The following ROBO1 variants were observed in gnomAD, a reference collection of about 807,000 sequenced individuals.
The protein encoded by ROBO1 is roundabout guidance receptor 1.
Under a neutral mutation model 195.9 loss-of-function variants are expected in ROBO1, and 149 were observed. That is an observed-to-expected ratio of 0.76 (90% CI 0.67 to 0.87). The LOEUF (loss-of-function observed/expected upper bound fraction) is 0.87. Ranked by LOEUF, ROBO1 falls within the 40% of genes least tolerant of loss-of-function variation. The probability of loss-of-function intolerance (pLI) is 0.00; values close to 1 mark genes in which losing one functional copy is unlikely to be tolerated. For synonymous variants in ROBO1, 816 were observed against 733.2 expected (o/e 1.11, Z -1.82); for missense variants, 1,933 against 2,068.3 (o/e 0.93, Z 1.27).
At chr3:78,811,688 A>G (rs762902891) in intron 4 of ROBO1, among the ~76,000 whole-genome samples, 1 of 152,074 alleles carries the variant, frequency 6.6e-6, no homozygotes, top group Non-Finnish European at 1.5e-5. Context: ...AGTTCCCTAA[A>G]CTAGTCGCTA....
intron 2 of ROBO1, among the ~76,000 whole-genome samples, chr3:79,547,365 T>C (rs1302957518): frequency 6.6e-6 from 1 of 152,018 alleles, no homozygotes; most frequent in African/African-American, 2.4e-5. Context: ...GCAGATTTTA[T>C]ATGAACGTGA....
chr3:79,148,281 GAGA>G (rs1432223529), intron 2 of ROBO1, among the ~76,000 whole-genome samples: 1 of 151,872 alleles, frequency 6.6e-6, no homozygotes, highest in African/African-American at 2.4e-5. Context: ...CAGTAAGAAT[GAGA>G]AGAAAGACTG....
At chr3:79,648,466 G>A (rs187135929) in intron 1 of ROBO1, among the ~76,000 whole-genome samples, 3 of 152,146 alleles carry the variant, frequency 2.0e-5, no homozygotes, top group Non-Finnish European at 2.9e-5. Context: ...CACCATGAGC[G>A]TGAGTTTGTA....
chr3:79,716,568 A>C (rs1702495244), intron 1 of ROBO1, among the ~76,000 whole-genome samples: 1 of 152,022 alleles, frequency 6.6e-6, no homozygotes, highest in Admixed American at 6.6e-5. Flanking sequence ...TAATGGGAGC[A>C]GGTTGCATAT....
intron 2 of ROBO1, among the ~76,000 whole-genome samples, chr3:79,177,180 G>T (rs1013898752): frequency 6.6e-6 from 1 of 152,184 alleles, no homozygotes; most frequent in Non-Finnish European, 1.5e-5. Flanking sequence ...GCACTGAACT[G>T]AAAGGGAAAC....
intron 2 of ROBO1, among the ~76,000 whole-genome samples, chr3:79,342,233 G>A (rs2034935488): frequency 6.6e-6 from 1 of 152,176 alleles, no homozygotes; most frequent in African/African-American, 2.4e-5. Context: ...TCTTGAGCAG[G>A]AAAGTGACAT....
chr3:78,923,390 A>C lies in ROBO1; in HGVS notation c.499+15211T>G, dbSNP rs147745546. ...TTGTTTCATTTATTTTTTGCAAGTCATTTTCTAAAGTGGAAAGGGACTGAT... is the reference window on the plus strand; with the variant it reads ...TTGTTTCATTTATTTTTTGCAAGTCCTTTTCTAAAGTGGAAAGGGACTGAT... On this transcript the variant is annotated intron_variant, in intron 4 of 30. Transcript: ENST00000464233. Among the ~76,000 whole-genome samples, 605 of 152,162 alleles carry C rather than the reference A, an allele frequency of 4.0e-3. 14 individuals are homozygous for C. The highest frequency in any genetic ancestry group is 0.013 in the African/African-American group (520 of 41,526).
At chr3:79,628,425 T>G (rs533290970) in intron 1 of ROBO1, among the ~76,000 whole-genome samples, 1 of 151,852 alleles carries the variant, frequency 6.6e-6, no homozygotes, top group Non-Finnish European at 1.5e-5. Context: ...TAAGTGGAAG[T>G]TGAACAATGA....
chr3:79,073,079 G>A (rs563118617), intron 3 of ROBO1, among the ~76,000 whole-genome samples: 49 of 151,996 alleles, frequency 3.2e-4, no homozygotes, highest in African/African-American at 1.0e-3. Flanking sequence ...TAGAGTTGTC[G>A]CCTAAATAAA....
At chr3:79,508,660 A>G (rs773248729) in intron 2 of ROBO1, among the ~76,000 whole-genome samples, 1 of 152,234 alleles carries the variant, frequency 6.6e-6, no homozygotes, top group Non-Finnish European at 1.5e-5. Flanking sequence ...AATTTGTGTT[A>G]GTATTGTAAA....
chr3:79,417,986 C>T (rs80030496), intron 2 of ROBO1, among the ~76,000 whole-genome samples: 4,686 of 152,158 alleles, frequency 0.031, 261 homozygotes, highest in African/African-American at 0.11. Flanking sequence ...ACAAAATGGC[C>T]TCTTCATAAG....
In ROBO1 at chr3:79,420,168, T is replaced by C. The variant is rs555567298; in HGVS notation, c.88+169656A>G. 7.2e-5 allele frequency among the ~76,000 whole-genome samples: 11 copies of C among 152,302 alleles called. No homozygotes were observed. The South Asian group carries it at 1.9e-3, about 26-fold the overall frequency. ...AGGTGTTTCAGAATTCATGAGATTC[T>C]GCATTTTTAGAACAGTAAAAGTCAA... On this transcript the variant is annotated intron_variant, in intron 2 of 30. Transcript: ENST00000464233.
intron 3 of ROBO1, among the ~76,000 whole-genome samples, chr3:79,095,746 T>C (rs181792030): frequency 5.0e-4 from 76 of 152,202 alleles, no homozygotes; most frequent in African/African-American, 1.6e-3. Context: ...TCTTACTTTT[T>C]TTTCTGTCTT....
chr3:79,019,873 C>T (rs2078062514), intron 3 of ROBO1, among the ~76,000 whole-genome samples: 1 of 151,796 alleles, frequency 6.6e-6, no homozygotes, highest in Admixed American at 6.6e-5. Flanking sequence ...AAAAAAAAAT[C>T]AATTTTGAGC....
At chr3:79,604,014 C>G (rs1405206911) in intron 1 of ROBO1, among the ~76,000 whole-genome samples, 1 of 152,050 alleles carries the variant, frequency 6.6e-6, no homozygotes. Flanking sequence ...AACAGGTACT[C>G]TCACGCAGGA....
In ROBO1 at chr3:79,416,603, T is replaced by TAA. The variant is rs76259270; in HGVS notation, c.88+173219_88+173220dup. On this transcript the variant is annotated intron_variant, in intron 2 of 30. Transcript: ENST00000464233. The stretch of plus-strand genomic sequence containing the variant: ...AGCCTGGGTGAGAGAGTGAAACTCT[T>TAA]AAAAAAAAAAAAAACCGAAAGAAAG... Among the ~76,000 whole-genome samples, 61 of 113,798 alleles carry TAA rather than the reference T, an allele frequency of 5.4e-4. 1 individual carries two copies. The East Asian group carries it at 5.6e-3, about 11-fold the overall frequency. The allele number at this position is 113,798 out of a possible 152,430, so 74.7% of individuals were successfully genotyped here. A position where few individuals can be genotyped will look rare whatever the true frequency, so the allele number is the denominator to read the frequency against.
chr3:78,991,062 C>T (rs1228556883), intron 3 of ROBO1, among the ~76,000 whole-genome samples: 5 of 151,962 alleles, frequency 3.3e-5, no homozygotes, highest in Non-Finnish European at 7.4e-5. Flanking sequence ...AGGTAATAAC[C>T]TACATTAAAA....
At chr3:79,326,234 T>C (rs2034206203) in intron 2 of ROBO1, among the ~76,000 whole-genome samples, 1 of 152,138 alleles carries the variant, frequency 6.6e-6, no homozygotes, top group East Asian at 1.9e-4. Context: ...TCGCCCTGCC[T>C]CCATTTGCCT....
chr3:79,279,144 T>A (rs778969009), intron 2 of ROBO1, among the ~76,000 whole-genome samples: 1 of 151,904 alleles, frequency 6.6e-6, no homozygotes, highest in African/African-American at 2.4e-5. Flanking sequence ...TGGGTGCCTG[T>A]AATCCCAGCT....
Sources: gnomAD v4.1 joint callset for allele counts (sites outside exome capture counted in the v4.1 genomes callset) on GRCh38, gnomAD v4.1.1 for gene constraint, MANE v1.5 for transcripts, NCBI Gene and HGNC (gene_info 2026-07-23, HGNC 2026-07-21) for gene names.